The following PNPLA7 variants were observed in gnomAD, a reference collection of about 807,000 sequenced individuals.
The protein encoded by PNPLA7 is patatin-like phospholipase domain-containing protein 7.
Under a neutral mutation model 161.7 loss-of-function variants are expected in PNPLA7, and 153 were observed. That is an observed-to-expected ratio of 0.95 (90% CI 0.83 to 1.08). The LOEUF (loss-of-function observed/expected upper bound fraction) is 1.08. Ranked by LOEUF, PNPLA7 falls within the 50% of genes least tolerant of loss-of-function variation. The pLI is 0.00. For missense variants in PNPLA7, 1,739 were observed against 1,856.6 expected (o/e 0.94, Z 1.16); for synonymous variants, 809 against 782.1 (o/e 1.03, Z -0.57).
At chr9:137,460,953 C>A in intron 33 of PNPLA7, 1 of 554,382 alleles carries the variant, frequency 1.8e-6, no homozygotes, top group Non-Finnish European at 3.2e-6. Context: ...CTTCGTGGGT[C>A]TTCCACAAGG....
chr9:137,549,605 G>A (rs1836739467), intron 1 of PNPLA7, among the ~76,000 whole-genome samples: 1 of 149,630 alleles, frequency 6.7e-6, no homozygotes, highest in Non-Finnish European at 1.5e-5. Flanking sequence ...GACCAGCCTG[G>A]CCAACATGGC....
chr9:137,479,466 G>T, intron 23 of PNPLA7: 1 of 1,234,346 alleles, frequency 8.1e-7, no homozygotes, highest in Non-Finnish European at 1.0e-6. Flanking sequence ...GCAGGAGGGG[G>T]ACGCCTCCTC....
At chr9:137,546,199 C>CCT (rs749961518) in intron 4 of PNPLA7, among the ~76,000 whole-genome samples, 1 of 151,658 alleles carries the variant, frequency 6.6e-6, no homozygotes, top group Non-Finnish European at 1.5e-5. Context: ...CTCTCTCTCT[C>CCT]CTCTCTCTCT....
chr9:137,492,097 T>C (rs1281887005), intron 20 of PNPLA7: 1 of 984,334 alleles, frequency 1.0e-6, no homozygotes, highest in Non-Finnish European at 1.2e-6. Flanking sequence ...TCAGAGTCCT[T>C]GAGTATGTGG....
intron 16 of PNPLA7, among the ~76,000 whole-genome samples, chr9:137,498,796 G>A (rs1833212895): frequency 6.6e-6 from 1 of 152,164 alleles, no homozygotes; most frequent in South Asian, 2.1e-4. Flanking sequence ...GTGCCCAGGG[G>A]CTCTGGGCAG....
At chr9:137,550,004 A>G (rs1490304853) in intron 1 of PNPLA7, among the ~76,000 whole-genome samples, 164 bp downstream of exon 1, 1 of 152,228 alleles carries the variant, frequency 6.6e-6, no homozygotes, top group African/African-American at 2.4e-5. Flanking sequence ...CAGCTGTGAC[A>G]GGCAGCAGAG....
In PNPLA7 at chr9:137,478,106, G is replaced by T; in HGVS notation, c.2810C>A (p.Ser937Ter). ...HVFQRPPDRH[S>*]DFSRLARVLT... Reference sequence around the variant, plus strand: ...CACCCTCGCCAGGCGGGAGAAGTCTGAGTGTCGGTCCGGGGGCCGCTGGAA... The same window carrying T: ...CACCCTCGCCAGGCGGGAGAAGTCTTAGTGTCGGTCCGGGGGCCGCTGGAA... Residue 937 changes from serine (S) to a stop codon, truncating the protein, a stop_gained, in exon 25 of 35, where the codon TCA becomes TAA. Transcript: ENST00000406427. LOFTEE classifies it high-confidence loss of function. 7.3e-7 allele frequency: 1 copy of T among 1,364,498 alleles called. No homozygotes were observed. The highest frequency in any genetic ancestry group is 9.5e-7 in the Non-Finnish European group (1 of 1,052,794). The allele number at this position is 1,364,498 out of a possible 1,614,324, so 84.5% of individuals were successfully genotyped here.
Position 137,467,587 on chromosome 9 carries a change from G to A in PNPLA7, c.2883-114C>T, listed in dbSNP as rs965579131. On this transcript the variant is annotated intron_variant, in intron 25 of 34. Coordinates refer to ENST00000406427, the MANE Select transcript of PNPLA7 (RefSeq NM_001098537.3). The surrounding 1 kb of genome is among the most constrained non-coding windows in gnomAD (Gnocchi z 5.1). Reference sequence around the variant, plus strand: ...CTCCTCCACAGGCAGAGACGCTGACGCAGAGAGGGACTCCAGATGCAGTTT... The same window carrying A: ...CTCCTCCACAGGCAGAGACGCTGACACAGAGAGGGACTCCAGATGCAGTTT... The A allele has an allele frequency of 1.6e-5, 22 of 1,344,370 alleles. No homozygotes were observed. Among genetic ancestry groups the A allele is most frequent in the East Asian group, 1.5e-4 (6 of 40,742 alleles). 83.3% of individuals were successfully genotyped at this position (1,344,370 alleles called of 1,614,324 possible).
At chr9:137,494,717 C>T (rs1166757306) in intron 19 of PNPLA7, among the ~76,000 whole-genome samples, 1 of 150,652 alleles carries the variant, frequency 6.6e-6, no homozygotes, top group Non-Finnish European at 1.5e-5. Flanking sequence ...CCTTCACCTG[C>T]TCTGCGCCCT....
At position 137,497,081 on chromosome 9, in the gene PNPLA7, G is replaced by A. The variant is rs1833099047; in HGVS notation, c.2013+106C>T. 4.6e-6 allele frequency: 6 copies of A among 1,299,218 alleles called. No individual in the cohort carries two copies. The East Asian group carries it at 1.9e-4, about 40-fold the overall frequency. 80.5% of individuals were successfully genotyped at this position (1,299,218 alleles called of 1,614,324 possible). A position where few individuals can be genotyped will look rare whatever the true frequency, so the allele number is the denominator to read the frequency against. On this transcript the variant is annotated intron_variant, in intron 18 of 34. Coordinates refer to ENST00000406427, the MANE Select transcript of PNPLA7 (RefSeq NM_001098537.3). ...CATCACTACTACCATCCACTCCTGGGGCTTTTGCTCCCAAGTAACTGGCCA... is the reference window on the plus strand; with the variant it reads ...CATCACTACTACCATCCACTCCTGGAGCTTTTGCTCCCAAGTAACTGGCCA...
In PNPLA7 at chr9:137,547,761, C is replaced by G; in HGVS notation, c.31-102G>C. 1 of 1,133,778 alleles carries G rather than the reference C, an allele frequency of 8.8e-7. No homozygotes were observed. Among genetic ancestry groups the G allele is most frequent in the Non-Finnish European group, 1.3e-6 (1 of 750,228 alleles). 70.2% of individuals were successfully genotyped at this position (1,133,778 alleles called of 1,614,324 possible). A position where few individuals can be genotyped will look rare whatever the true frequency, so the allele number is the denominator to read the frequency against. ...AGCTGGGAGTTAGGGGAGAAGTCAG[C>G]AGCCCTGGAGACTTCTGGGAAGAAG... On this transcript the variant is annotated intron_variant, in intron 1 of 34. Coordinates refer to ENST00000406427, the MANE Select transcript of PNPLA7 (RefSeq NM_001098537.3). The surrounding 1 kb of genome is among the most constrained non-coding windows in gnomAD (Gnocchi z 4.6).
At chr9:137,475,946 G>A (rs1831929156) in intron 25 of PNPLA7, among the ~76,000 whole-genome samples, 1 of 152,044 alleles carries the variant, frequency 6.6e-6, no homozygotes, top group Non-Finnish European at 1.5e-5. Flanking sequence ...CTTCTCCTAG[G>A]GAGATTTCTA....
At chr9:137,546,991 C>A in intron 3 of PNPLA7, 82 bp from the exon 4 acceptor site, 1 of 1,336,940 alleles carries the variant, frequency 7.5e-7, no homozygotes, top group South Asian at 1.2e-5. Context: ...CACAGTCAGT[C>A]ATACTCTCGT....
At position 137,460,486 on chromosome 9, in the gene PNPLA7, G is replaced by C. The variant is rs1188298917; in HGVS notation, c.3946-10C>G. On this transcript the variant is annotated splice_polypyrimidine_tract_variant and intron_variant, in intron 34 of 34. Coordinates refer to ENST00000406427, the MANE Select transcript of PNPLA7 (RefSeq NM_001098537.3). The stretch of plus-strand genomic sequence containing the variant: ...GTGAGGACTCGTCCTCCTGCAAGCA[G>C]ACCGCATGTTCCAGGTGAGGACCAG... 1 of 1,612,050 alleles carries C rather than the reference G, an allele frequency of 6.2e-7. No individual in the cohort carries two copies. Among genetic ancestry groups the C allele is most frequent in the Non-Finnish European group, 8.5e-7 (1 of 1,179,846 alleles).
At chr9:137,502,709 A>G (rs1346605975) in intron 14 of PNPLA7, among the ~76,000 whole-genome samples, 2 of 43,828 alleles carry the variant, frequency 4.6e-5, no homozygotes, top group Non-Finnish European at 1.0e-4. Flanking sequence ...GACGCGGGGG[A>G]CGCGGGGGAC....
At chr9:137,529,481 C>G (rs935840397) in intron 8 of PNPLA7, among the ~76,000 whole-genome samples, 12 of 152,008 alleles carry the variant, frequency 7.9e-5, no homozygotes, top group Admixed American at 2.0e-4. Flanking sequence ...GAGAATGTTG[C>G]CTTCTTTGTT....
rs139266565 is a variant in PNPLA7, at chr9:137,462,263, C to T, written c.3561G>A (p.Val1187=). Residue 1187 remains valine, a synonymous_variant, in exon 31 of 35, where the codon GTG becomes GTA. Coordinates refer to ENST00000406427, the MANE Select transcript of PNPLA7 (RefSeq NM_001098537.3). ...YVCCVRQLEV[V]KSSDYCEYLR... ...GGTACTCGCAGTAGTCACTGCTCTT[C>T]ACCACCTCCAGCTGCCGCACGCAAC... 2.5e-6 allele frequency: 4 copies of T among 1,611,952 alleles called. No individual in the cohort carries two copies. Among genetic ancestry groups the T allele is most frequent in the Non-Finnish European group, 3.4e-6 (4 of 1,179,326 alleles).
chr9:137,515,377 A>C lies in PNPLA7; in HGVS notation c.1225+2T>G, dbSNP rs971032754. The C allele has an allele frequency of 6.3e-7, 1 of 1,599,990 alleles. No homozygotes were observed. On this transcript the variant is annotated splice_donor_variant, in intron 12 of 34. Transcript: ENST00000406427. LOFTEE classifies it high-confidence loss of function. Reference sequence around the variant, plus strand: ...GGCTGGGCAGCCGTCGAGGTTCTTTACCTTGTGGGGCCGAAGGGTCAGGGT... The same window carrying C: ...GGCTGGGCAGCCGTCGAGGTTCTTTCCCTTGTGGGGCCGAAGGGTCAGGGT...
intron 12 of PNPLA7, 135 bp from the exon 13 acceptor site, chr9:137,506,218 T>TC: frequency 3.0e-6 from 2 of 660,098 alleles, no homozygotes; most frequent in Non-Finnish European, 5.4e-6. Flanking sequence ...GGCCCTGAGA[T>TC]CCCTCCACAC....
Sources: allele counts gnomAD v4.1 joint callset (sites outside exome capture counted in the v4.1 genomes callset), GRCh38; gene constraint gnomAD v4.1.1; non-coding constraint Gnocchi (gnomAD v3.1); transcripts MANE v1.5; gene names NCBI Gene and HGNC (gene_info 2026-07-23, HGNC 2026-07-21).